The following KLRD1 variants were observed in gnomAD, a reference collection of about 807,000 sequenced individuals.
The protein encoded by KLRD1 is killer cell lectin like receptor D1, also known as natural killer cells antigen CD94.
In KLRD1, 21 loss-of-function variants were observed where a neutral mutation model predicts 22.6. The ratio of observed to expected loss-of-function variants is 0.93; its 90% confidence interval spans 0.66 to 1.34. The LOEUF (loss-of-function observed/expected upper bound fraction) is 1.34, where lower values mean the gene tolerates loss of function less well. KLRD1 is among the 40% of genes most tolerant of loss of function. The pLI, the probability that KLRD1 is intolerant of heterozygous loss-of-function variation, is 0.00. For missense variants in KLRD1, 183 were observed against 208.6 expected, an observed-to-expected ratio of 0.88 and a Z score of 0.76; for synonymous variants, 59 against 71.1, an observed-to-expected ratio of 0.83 and a Z score of 0.85.
chr12:10,265,236 GACATAC>G (rs982052582), intron 1 of KLRD1, among the ~76,000 whole-genome samples: 16 of 151,808 alleles, frequency 1.1e-4, no homozygotes, highest in African/African-American at 3.6e-4. Flanking sequence ...ATTATATATA[GACATAC>G]ACATATATGC....
At chr12:10,308,474 A>G in intron 1 of KLRD1, 1 of 223,008 alleles carries the variant, frequency 4.5e-6, no homozygotes, top group Admixed American at 5.1e-5. Flanking sequence ...AAAATTACAC[A>G]AATGAACAGT....
intron 1 of KLRD1, among the ~76,000 whole-genome samples, chr12:10,284,600 G>T (rs2137658377): frequency 6.6e-6 from 1 of 152,308 alleles, no homozygotes; most frequent in Admixed American, 6.5e-5. Flanking sequence ...CAATGAGGCT[G>T]TTAATTCATG....
In KLRD1 at chr12:10,321,757, T is replaced by G. The variant is rs1158242495; in HGVS notation, c.*6964T>G. On this transcript the variant is annotated 3_prime_UTR_variant, in exon 6 of 6. Coordinates refer to ENST00000336164, the MANE Select transcript of KLRD1 (RefSeq NM_002262.5). ...AGAACTGAGGCCTCCTATAAACAGC[T>G]AGCAAGGAACTGCAGCCATCTTGTA... 3 of 152,180 alleles carry G rather than the reference T, an allele frequency of 2.0e-5. No individual in the cohort carries two copies. The highest frequency in any genetic ancestry group is 4.4e-5 in the Non-Finnish European group (3 of 68,046). 9.4% of individuals were successfully genotyped at this position (152,180 alleles called of 1,614,324 possible).
intron 1 of KLRD1, among the ~76,000 whole-genome samples, chr12:10,268,059 A>G (rs1444310701): frequency 6.6e-6 from 1 of 152,216 alleles, no homozygotes; most frequent in African/African-American, 2.4e-5. Flanking sequence ...GTGAGTTTAT[A>G]AAATTTGCAT....
At chr12:10,248,532 TCC>T (rs1949314148) in intron 1 of KLRD1, among the ~76,000 whole-genome samples, 2 of 62,598 alleles carry the variant, frequency 3.2e-5, no homozygotes, top group Non-Finnish European at 6.1e-5. Flanking sequence ...TATTTTCTTT[TCC>T]TTCCTTCCTT....
chr12:10,271,932 TAG>T (rs1325647380), intron 1 of KLRD1, among the ~76,000 whole-genome samples: 1 of 152,192 alleles, frequency 6.6e-6, no homozygotes, highest in Non-Finnish European at 1.5e-5. Flanking sequence ...AGATCTATTG[TAG>T]AGATTAAGTT....
chr12:10,314,912 A>G lies in KLRD1; in HGVS notation c.*119A>G, dbSNP rs1389075358. 2.2e-6 allele frequency: 2 copies of G among 920,304 alleles called. No individual in the cohort carries two copies. Among genetic ancestry groups the G allele is most frequent in the South Asian group, 1.7e-5 (1 of 59,764 alleles). The allele number at this position is 920,304 out of a possible 1,614,324, so 57.0% of individuals were successfully genotyped here. A position where few individuals can be genotyped will look rare whatever the true frequency, so the allele number is the denominator to read the frequency against. ...TGGAGTCTATAAAATGTTTTTAAACAGTGTCATATACAATTGTCATGTATG... is the reference window on the plus strand; with the variant it reads ...TGGAGTCTATAAAATGTTTTTAAACGGTGTCATATACAATTGTCATGTATG... On this transcript the variant is annotated 3_prime_UTR_variant, in exon 6 of 6. Transcript: ENST00000336164.
chr12:10,252,434 G>A (rs1949354229), intron 1 of KLRD1, among the ~76,000 whole-genome samples: 1 of 152,082 alleles, frequency 6.6e-6, no homozygotes, highest in African/African-American at 2.4e-5. Context: ...AGCCTTGGAG[G>A]TTGAGGCTGC....
chr12:10,261,766 T>A lies in KLRD1; in HGVS notation c.-101+35533T>A, dbSNP rs542886173. On this transcript the variant is annotated intron_variant, in intron 1 of 5. Transcript: ENST00000544747. ...CTGATACCCAGAAAAAAAGTATCAT[T>A]CTCTCTGGGTCTTGGTTTTCTTATT... 7.9e-5 allele frequency among the ~76,000 whole-genome samples: 12 copies of A among 152,268 alleles called. No homozygotes were observed. The South Asian group carries it at 2.5e-3, about 32-fold the overall frequency.
chr12:10,263,623 A>G (rs1375198210), intron 1 of KLRD1, among the ~76,000 whole-genome samples: 1 of 152,054 alleles, frequency 6.6e-6, no homozygotes, highest in Non-Finnish European at 1.5e-5. Context: ...TCCCTGTCCA[A>G]TAACAAAATC....
chr12:10,271,073 C>T (rs1036411633), intron 1 of KLRD1, among the ~76,000 whole-genome samples: 2 of 150,310 alleles, frequency 1.3e-5, no homozygotes, highest in Middle Eastern at 3.4e-3. Context: ...CGTGAGCCAC[C>T]GCAGCCGCCT....
intron 1 of KLRD1, among the ~76,000 whole-genome samples, chr12:10,287,922 G>C (rs12301068): frequency 6.6e-6 from 1 of 152,052 alleles, no homozygotes; most frequent in Non-Finnish European, 1.5e-5. Context: ...CAAAAAATTA[G>C]CCGGGCGTGG....
chr12:10,309,558 A>C (rs1950006693), intron 2 of KLRD1, 68 bp from the exon 3 acceptor site: 5 of 1,295,924 alleles, frequency 3.9e-6, no homozygotes, highest in Non-Finnish European at 5.6e-6. Context: ...TCATCTTGCT[A>C]ATGTGTAATA....
At chr12:10,281,605 G>C (rs1381577988) in intron 1 of KLRD1, among the ~76,000 whole-genome samples, 1 of 152,148 alleles carries the variant, frequency 6.6e-6, no homozygotes, top group Non-Finnish European at 1.5e-5. Context: ...ATTCTCTCCC[G>C]AGACAAAGAG....
At position 10,320,433 on chromosome 12, in the gene KLRD1, C is replaced by G. The variant is rs766907448; in HGVS notation, c.*5640C>G. Reference sequence around the variant, plus strand: ...TTCTATTTAGTACCAGAAAGTTTAGCAACACTTTTGTCTGTAGCATTGTGG... The same window carrying G: ...TTCTATTTAGTACCAGAAAGTTTAGGAACACTTTTGTCTGTAGCATTGTGG... On this transcript the variant is annotated 3_prime_UTR_variant, in exon 6 of 6. Transcript: ENST00000336164. 6.6e-6 allele frequency: 1 copy of G among 152,062 alleles called. No individual in the cohort carries two copies. Among genetic ancestry groups the G allele is most frequent in the African/African-American group, 2.4e-5 (1 of 41,430 alleles). 9.4% of individuals were successfully genotyped at this position (152,062 alleles called of 1,614,324 possible).
At chr12:10,311,292 G>T (rs1950062830) in intron 3 of KLRD1, among the ~76,000 whole-genome samples, 172 bp from the exon 4 acceptor site, 1 of 152,126 alleles carries the variant, frequency 6.6e-6, no homozygotes, top group Non-Finnish European at 1.5e-5. Flanking sequence ...TGAGGAAAAA[G>T]CATCATGTTC....
chr12:10,245,676 T>C (rs1949284119), intron 1 of KLRD1, among the ~76,000 whole-genome samples: 2 of 152,178 alleles, frequency 1.3e-5, no homozygotes, highest in Non-Finnish European at 2.9e-5. Context: ...AGCCAACATA[T>C]AGATAATGAC....
At chr12:10,308,427 A>G in intron 1 of KLRD1, 1 of 272,838 alleles carries the variant, frequency 3.7e-6, no homozygotes, top group East Asian at 7.8e-5. Flanking sequence ...CACAATGCTG[A>G]AAAGGTTTTA....
At chr12:10,296,972 T>C (rs1269363081) in intron 1 of KLRD1, among the ~76,000 whole-genome samples, 4 of 152,356 alleles carry the variant, frequency 2.6e-5, no homozygotes, top group Middle Eastern at 3.4e-3. Flanking sequence ...GCGGTAGTTA[T>C]GGTGTTTTTC....
Sources: gnomAD v4.1 joint callset for allele counts (sites outside exome capture counted in the v4.1 genomes callset) on GRCh38, gnomAD v4.1.1 for gene constraint, MANE v1.5 for transcripts, NCBI Gene and HGNC (gene_info 2026-07-23, HGNC 2026-07-21) for gene names.